Variants in RHOJ observed in about 807,000 individuals in gnomAD.
RHOJ encodes the protein ras homolog family member J.
A neutral mutation model predicts 23.4 loss-of-function variants in RHOJ; 11 were observed. That is an observed-to-expected ratio of 0.47 (90% CI 0.30 to 0.78). The LOEUF (loss-of-function observed/expected upper bound fraction) is 0.78. RHOJ is among the 30% of genes least tolerant of loss of function. The probability of loss-of-function intolerance (pLI) is 0.08; values close to 1 mark genes in which losing one functional copy is unlikely to be tolerated. For missense variants in RHOJ, 254 were observed against 273.4 expected, an observed-to-expected ratio of 0.93 and a Z score of 0.50; for synonymous variants, 102 against 102.7, an observed-to-expected ratio of 0.99 and a Z score of 0.04.
intron 1 of RHOJ, among the ~76,000 whole-genome samples, chr14:63,255,820 A>G (rs1895153788): frequency 6.6e-6 from 1 of 151,870 alleles, no homozygotes; most frequent in Non-Finnish European, 1.5e-5. Context: ...ATTCTGTGTC[A>G]CTGGGGCATT....
At chr14:63,231,498 T>C (rs971252816) in intron 1 of RHOJ, among the ~76,000 whole-genome samples, 1 of 152,202 alleles carries the variant, frequency 6.6e-6, no homozygotes, top group Non-Finnish European at 1.5e-5. Context: ...AACTTCACAT[T>C]ACAATAACGT....
chr14:63,211,317 A>G (rs1393070352), intron 1 of RHOJ, among the ~76,000 whole-genome samples: 1 of 152,186 alleles, frequency 6.6e-6, no homozygotes, highest in Non-Finnish European at 1.5e-5. Flanking sequence ...CTCTTTCTGA[A>G]GACACCCGAG....
At chr14:63,229,681 T>C (rs1326038173) in intron 1 of RHOJ, among the ~76,000 whole-genome samples, 17 of 152,194 alleles carry the variant, frequency 1.1e-4, no homozygotes, top group Non-Finnish European at 2.4e-4. Flanking sequence ...GTTTTAAATA[T>C]CTAATTTTCC....
At chr14:63,238,456 G>A (rs184994119) in intron 1 of RHOJ, among the ~76,000 whole-genome samples, 3 of 152,076 alleles carry the variant, frequency 2.0e-5, no homozygotes, top group East Asian at 1.9e-4. Context: ...TGGTTCCATC[G>A]CCCAAGCTAG....
At chr14:63,284,144 T>G (rs560461856) in intron 4 of RHOJ, 34 of 825,800 alleles carry the variant, frequency 4.1e-5, no homozygotes, top group African/African-American at 9.3e-5. Flanking sequence ...CAGTCAAGAA[T>G]ATTAACTACA....
intron 2 of RHOJ, among the ~76,000 whole-genome samples, chr14:63,271,125 G>A (rs1195642936): frequency 2.0e-5 from 3 of 152,096 alleles, no homozygotes; most frequent in Admixed American, 6.5e-5. Context: ...ACACAAAAGC[G>A]ATGAAGACTG....
At chr14:63,243,205 T>C (rs1281870616) in intron 1 of RHOJ, among the ~76,000 whole-genome samples, 1 of 152,240 alleles carries the variant, frequency 6.6e-6, no homozygotes, top group Non-Finnish European at 1.5e-5. Flanking sequence ...AACAAGTATT[T>C]TTCCTCATCT....
At chr14:63,251,114 T>C (rs2144112) in intron 1 of RHOJ, among the ~76,000 whole-genome samples, 20,767 of 152,150 alleles carry the variant, frequency 0.14, 2,107 homozygotes, top group African/African-American at 0.28. Flanking sequence ...ACATTCCCCT[T>C]GAGTCCTGTT....
intron 1 of RHOJ, among the ~76,000 whole-genome samples, chr14:63,258,906 A>G (rs1240002439): frequency 6.6e-6 from 1 of 152,218 alleles, no homozygotes. Context: ...AATGTACCAC[A>G]TGGTTCCCAT....
chr14:63,216,756 C>G (rs1894365507), intron 1 of RHOJ, among the ~76,000 whole-genome samples: 1 of 152,196 alleles, frequency 6.6e-6, no homozygotes, highest in Non-Finnish European at 1.5e-5. Flanking sequence ...AGAGTTGATG[C>G]TACATCTTCA....
At chr14:63,214,629 T>G (rs560325515) in intron 1 of RHOJ, among the ~76,000 whole-genome samples, 1 of 152,016 alleles carries the variant, frequency 6.6e-6, no homozygotes, top group Admixed American at 6.6e-5. Flanking sequence ...AGAGAGCTCC[T>G]GGAAGAAGGA....
intron 1 of RHOJ, among the ~76,000 whole-genome samples, chr14:63,231,015 G>A (rs139855724): frequency 0.017 from 2,624 of 151,522 alleles, 96 homozygotes; most frequent in African/African-American, 0.061. Context: ...TAGCCTCCCA[G>A]GTAGCTGGGA....
At chr14:63,247,180 T>C (rs1894991142) in intron 1 of RHOJ, among the ~76,000 whole-genome samples, 1 of 152,170 alleles carries the variant, frequency 6.6e-6, no homozygotes, top group Admixed American at 6.5e-5. Context: ...GTTGGTAGAA[T>C]TGTGTTGAAA....
At chr14:63,289,795 G>C (rs1248927759) in intron 4 of RHOJ, among the ~76,000 whole-genome samples, 1 of 152,134 alleles carries the variant, frequency 6.6e-6, no homozygotes, top group Admixed American at 6.5e-5. Flanking sequence ...CCCTATGCAA[G>C]TATGAAATAC....
rs60018157 is a variant in RHOJ at position 63,242,441 on chromosome 14, T to C, written c.179-26669T>C. On this transcript the variant is annotated intron_variant, in intron 1 of 4. Transcript: ENST00000316754. ...AAAATTAGCCAGACGTGGTGGTACA[T>C]GACTGTAGTCCTAGCTACTTGGGGT... Among the ~76,000 whole-genome samples the C allele has an allele frequency of 1.6e-3, 245 of 152,296 alleles. 1 individual carries two copies. Among genetic ancestry groups the C allele is most frequent in the African/African-American group, 5.7e-3 (237 of 41,564 alleles).
intron 2 of RHOJ, among the ~76,000 whole-genome samples, chr14:63,271,604 A>AT (rs952601677): frequency 6.6e-6 from 1 of 151,920 alleles, no homozygotes; most frequent in East Asian, 1.9e-4. Context: ...TTTATTTTTT[A>AT]TTTTTTTGAG....
intron 1 of RHOJ, among the ~76,000 whole-genome samples, chr14:63,209,464 C>A (rs1894185382): frequency 6.6e-6 from 1 of 150,756 alleles, no homozygotes; most frequent in Non-Finnish European, 1.5e-5. Flanking sequence ...TTTGTACTTG[C>A]TTTTTCCCCA....
chr14:63,285,177 T>C (rs1282338719), intron 4 of RHOJ, among the ~76,000 whole-genome samples: 1 of 152,216 alleles, frequency 6.6e-6, no homozygotes, highest in Non-Finnish European at 1.5e-5. Flanking sequence ...GCCTTTGTCT[T>C]AATTAATCCT....
chr14:63,276,046 T>A (rs1881709548), intron 2 of RHOJ, among the ~76,000 whole-genome samples: 1 of 152,188 alleles, frequency 6.6e-6, no homozygotes, highest in Non-Finnish European at 1.5e-5. Context: ...CCTGGTTAAA[T>A]TACTCCATCT....
Sources: allele counts gnomAD v4.1 joint callset (sites outside exome capture counted in the v4.1 genomes callset), GRCh38; gene constraint gnomAD v4.1.1; transcripts MANE v1.5; gene names NCBI Gene and HGNC (gene_info 2026-07-23, HGNC 2026-07-21).